The following ST13 variants were observed in gnomAD, a reference collection of about 807,000 sequenced individuals.
ST13 encodes hsc70-interacting protein.
In ST13, 23 loss-of-function variants were observed where a neutral mutation model predicts 56.7. The ratio of observed to expected loss-of-function variants is 0.41; its 90% CI spans 0.29 to 0.57. The LOEUF (loss-of-function observed/expected upper bound fraction) is 0.57, where lower values mean the gene tolerates loss of function less well. Ranked by LOEUF, ST13 falls within the 20% of genes least tolerant of loss-of-function variation. ST13 has a pLI of 0.36. For missense variants in ST13, 369 were observed against 459.9 expected (o/e 0.80, Z 1.81); for synonymous variants, 132 against 142.4 (o/e 0.93, Z 0.52).
chr22:40,831,485 G>C (rs545851933), intron 8 of ST13, among the ~76,000 whole-genome samples: 2 of 152,292 alleles, frequency 1.3e-5, no homozygotes, highest in South Asian at 2.1e-4. Context: ...ATGTATACCA[G>C]ACACTAGTAT....
intron 5 of ST13, among the ~76,000 whole-genome samples, chr22:40,837,084 G>A (rs1380300970): frequency 6.6e-6 from 1 of 152,158 alleles, no homozygotes; most frequent in African/African-American, 2.4e-5. Flanking sequence ...CTGAGTAGCT[G>A]GGATTACCAC....
intron 4 of ST13, among the ~76,000 whole-genome samples, 157 bp from the exon 5 acceptor site, chr22:40,840,849 T>C (rs1370286649): frequency 6.6e-6 from 1 of 152,220 alleles, no homozygotes; most frequent in Admixed American, 6.5e-5. Context: ...AACTCATTAG[T>C]GAGAAATTAC....
rs759591630 is a variant in ST13 at position 40,830,839 on chromosome 22, C to T, written c.798+1G>A. ...TCATGGCTTAGCTATAGGAAATTTA[C>T]CCTCTGGGCTCTCTCATGCTCTTCT... On this transcript the variant is annotated splice_donor_variant, in intron 9 of 11. Transcript: ENST00000216218. LOFTEE classifies it high-confidence loss of function. 5 of 1,592,962 alleles carry T rather than the reference C, an allele frequency of 3.1e-6. No individual in the cohort carries two copies. The highest frequency in any genetic ancestry group is 1.3e-5 in the African/African-American group (1 of 74,278).
In ST13 at chr22:40,831,861, T is replaced by C. The variant is rs529493558; in HGVS notation, c.681+708A>G. Among the ~76,000 whole-genome samples the C allele has an allele frequency of 4.6e-5, 7 of 152,244 alleles. No homozygotes were observed. In the South Asian group the frequency reaches 1.5e-3, roughly 32 times the overall value. On this transcript the variant is annotated intron_variant, in intron 8 of 11. Transcript: ENST00000216218. ...ATTATTTTTAAAAGATTGAAACTTC[T>C]TTGTTTTATTAAGACAGCCTCGCTC... is the stretch of plus-strand genomic sequence containing the variant.
rs576314210 is a variant in ST13 at position 40,830,820 on chromosome 22, C to T, written c.798+20G>A. The T allele has an allele frequency of 6.5e-7, 1 of 1,533,762 alleles. No homozygotes were observed. Among genetic ancestry groups the T allele is most frequent in the East Asian group, 2.3e-5 (1 of 44,390 alleles). On this transcript the variant is annotated intron_variant, in intron 9 of 11. Coordinates refer to ENST00000216218, the MANE Select transcript of ST13 (RefSeq NM_003932.5). ...AATTTGCCGTATTTTCCTTTCATGG[C>T]TTAGCTATAGGAAATTTACCCTCTG...
chr22:40,836,169 A>T (rs1022566111), intron 5 of ST13, among the ~76,000 whole-genome samples: 3 of 148,660 alleles, frequency 2.0e-5, no homozygotes, highest in Middle Eastern at 3.4e-3. Flanking sequence ...AGGAAAAAGT[A>T]GACGGGCACG....
In ST13 at chr22:40,832,618, A is replaced by C; in HGVS notation, c.632T>G (p.Leu211Trp). The C allele has an allele frequency of 3.1e-6, 5 of 1,605,684 alleles. No homozygotes were observed. The highest frequency in any genetic ancestry group is 4.2e-6 in the Non-Finnish European group (5 of 1,179,762). Residue 211 changes from leucine to tryptophan, a missense_variant, in exon 8 of 12, where the codon TTG becomes TGG. By Grantham distance (61) the Leu-to-Trp change is moderately conservative. Coordinates refer to ENST00000216218, the MANE Select transcript of ST13 (RefSeq NM_003932.5). ...TGCACTAGCATCTTCATCATAATCC[A>C]ATTTACAGGCAAGGGCAAGATCATG... ...AAHDLALACK[L>W]DYDEDASAML...
At position 40,844,875 on chromosome 22, in the gene ST13, A is replaced by G; in HGVS notation, c.279T>C (p.Thr93=). 2 of 1,613,700 alleles carry G rather than the reference A, an allele frequency of 1.2e-6. No homozygotes were observed. The highest frequency in any genetic ancestry group is 1.7e-6 in the Non-Finnish European group (2 of 1,179,764). The change falls in exon 4 of 12, where the codon ACT becomes ACC. Residue 93 remains threonine, a synonymous_variant. Transcript: ENST00000216218. ...IDKEGVIEPD[T]DAPQEMGDEN... ...CATCTCCCATTTCTTGAGGAGCATC[A>G]GTGTCTGGTTCAATCACACCTTCTT...
chr22:40,851,411 T>G (rs1453274270), intron 1 of ST13, among the ~76,000 whole-genome samples: 1 of 152,220 alleles, frequency 6.6e-6, no homozygotes, highest in East Asian at 1.9e-4. Flanking sequence ...GATTTTCTCC[T>G]TATACACCCC....
chr22:40,840,838 T>C (rs538822181), intron 4 of ST13, 146 bp from the exon 5 acceptor site: 3 of 658,972 alleles, frequency 4.6e-6, no homozygotes, highest in African/African-American at 3.7e-5. Context: ...ACAATTATGA[T>C]AACTCATTAG....
chr22:40,836,104 CCTAA>C (rs1164785681), intron 5 of ST13, among the ~76,000 whole-genome samples: 27 of 152,258 alleles, frequency 1.8e-4, no homozygotes, highest in South Asian at 1.0e-3. Flanking sequence ...TACGTAAGCC[CCTAA>C]CTAACAATAG....
rs984229337 is a variant in ST13 at position 40,826,688 on chromosome 22, G to A, written c.982-22C>T. The A allele has an allele frequency of 6.8e-6, 11 of 1,607,948 alleles. No individual in the cohort carries two copies. In the African/African-American group the frequency reaches 1.3e-4, roughly 20 times the overall value. Reference sequence around the variant, plus strand: ...GATCCTGAAAAGAAAGGGTTCATTAGTATTTAAAAAGTGTCCTACTGGGTC... The same window carrying A: ...GATCCTGAAAAGAAAGGGTTCATTAATATTTAAAAAGTGTCCTACTGGGTC... On this transcript the variant is annotated intron_variant, in intron 11 of 11. Coordinates refer to ENST00000216218, the MANE Select transcript of ST13 (RefSeq NM_003932.5).
intron 10 of ST13, among the ~76,000 whole-genome samples, chr22:40,828,292 T>G (rs540432242): frequency 2.1e-4 from 32 of 152,274 alleles, no homozygotes; most frequent in African/African-American, 7.5e-4. Flanking sequence ...GGAGATATTC[T>G]AAAATTACAA....
rs1441900539 is a variant in ST13 at position 40,850,832 on chromosome 22, T to G, written c.159A>C (p.Glu53Asp). ...PPATQKAKSE[E>D]NTKEEKPDSK... is the part of the protein sequence containing the mutation. ...TGAAATTAAAACTTACCTTGGTATT[T>G]TCTTCTGATTTAGCTTTCTGAGTAG... The change falls in exon 2 of 12, where the codon GAA becomes GAC. Residue 53 changes from glutamate to aspartate, a missense_variant. Glu to Asp is a conservative substitution (Grantham distance 45). This residue lies in a region of ST13 where 169 missense variants were observed against 175.6 expected (regional missense o/e 0.96). Transcript: ENST00000216218. 1.2e-6 allele frequency: 2 copies of G among 1,604,446 alleles called. No homozygotes were observed. The highest frequency in any genetic ancestry group is 1.7e-6 in the Non-Finnish European group (2 of 1,175,806).
intron 1 of ST13, among the ~76,000 whole-genome samples, chr22:40,853,374 G>A (rs1441197298): frequency 6.6e-6 from 1 of 151,976 alleles, no homozygotes; most frequent in Non-Finnish European, 1.5e-5. Flanking sequence ...AAAAAAAGAG[G>A]ATTTACTCAT....
intron 3 of ST13, among the ~76,000 whole-genome samples, chr22:40,845,958 C>T (rs1173326544): frequency 6.6e-6 from 1 of 152,016 alleles, no homozygotes; most frequent in Non-Finnish European, 1.5e-5. Context: ...TTTTTTGAGA[C>T]GGAGTTTCGC....
intron 10 of ST13, among the ~76,000 whole-genome samples, chr22:40,828,554 A>ACTG (rs2057739623): frequency 1.3e-5 from 2 of 151,994 alleles, no homozygotes; most frequent in Non-Finnish European, 2.9e-5. Flanking sequence ...CGGAGCTTGC[A>ACTG]GTGAGCCAAG....
At chr22:40,830,202 G>T (rs2057747759) in intron 9 of ST13, among the ~76,000 whole-genome samples, 1 of 152,162 alleles carries the variant, frequency 6.6e-6, no homozygotes, top group South Asian at 2.1e-4. Flanking sequence ...TACTTTTAAA[G>T]ATTATAAACT....
intron 5 of ST13, among the ~76,000 whole-genome samples, chr22:40,837,570 C>T (rs549892400): frequency 1.8e-4 from 28 of 152,224 alleles, no homozygotes; most frequent in African/African-American, 6.3e-4. Context: ...CGCTTGAACC[C>T]GGGAGGCGGA....
Sources: gnomAD v4.1 joint callset for allele counts (sites outside exome capture counted in the v4.1 genomes callset) on GRCh38, gnomAD v4.1.1 for gene constraint, gnomAD v4.1.1 regional missense constraint, MANE v1.5 for transcripts, NCBI Gene and HGNC (gene_info 2026-07-23, HGNC 2026-07-21) for gene names.